IRGM: variants seen among roughly 807,000 people sequenced by gnomAD.
IRGM encodes immunity-related GTPase family M protein.
For synonymous variants in IRGM, 98 were observed against 80.6 expected, an observed-to-expected ratio of 1.22 and a Z score of -1.16; for missense variants, 288 against 219.9, an observed-to-expected ratio of 1.31 and a Z score of -1.96.
intron 1 of IRGM, among the ~76,000 whole-genome samples, chr5:150,860,559 C>T (rs563509360): frequency 1.6e-4 from 24 of 152,320 alleles, no homozygotes; most frequent in African/African-American, 5.5e-4. Flanking sequence ...ACTTCCTGAG[C>T]AACCACAGTC....
chr5:150,857,344 G>A (rs2113259071), intron 1 of IRGM, among the ~76,000 whole-genome samples: 1 of 152,220 alleles, frequency 6.6e-6, no homozygotes, highest in Admixed American at 6.5e-5. Flanking sequence ...TTGGACATTT[G>A]GGTTGGTTCC....
intron 1 of IRGM, among the ~76,000 whole-genome samples, chr5:150,874,302 T>C (rs537345113): frequency 6.6e-6 from 1 of 152,322 alleles, no homozygotes; most frequent in Non-Finnish European, 1.5e-5. Context: ...GACATTATGC[T>C]GATTGGACCC....
chr5:150,853,308 C>A (rs1238324331), downstream of IRGM, among the ~76,000 whole-genome samples: 1 of 152,092 alleles, frequency 6.6e-6, no homozygotes, highest in Non-Finnish European at 1.5e-5. Flanking sequence ...TAATTTCAAT[C>A]TTTTAAAATT....
intron 3 of IRGM, among the ~76,000 whole-genome samples, chr5:150,881,125 A>G (rs1754438843): frequency 7.4e-6 from 1 of 135,562 alleles, no homozygotes; most frequent in Admixed American, 7.0e-5. Flanking sequence ...GAAACTCCAT[A>G]TCAAAAAAAA....
chr5:150,847,556 A>T (rs1338955807), intron 1 of IRGM, 153 bp from the exon 2 acceptor site: 1 of 153,246 alleles, frequency 6.5e-6, no homozygotes, highest in Non-Finnish European at 1.5e-5. Flanking sequence ...TTGCTCCCTG[A>T]AGAAATGTGC....
intron 1 of IRGM, among the ~76,000 whole-genome samples, chr5:150,864,402 G>T (rs1369658578): frequency 1.3e-5 from 2 of 152,026 alleles, no homozygotes; most frequent in African/African-American, 4.8e-5. Context: ...CTTCTCCCCA[G>T]CTCTTGTTCC....
intron 3 of IRGM, among the ~76,000 whole-genome samples, chr5:150,882,262 A>G (rs1056240965): frequency 2.1e-5 from 3 of 143,882 alleles, no homozygotes; most frequent in African/African-American, 8.6e-5. Context: ...GTATGCTGTA[A>G]AGAAAATCAC....
At chr5:150,858,852 T>C (rs1754095767) in intron 1 of IRGM, among the ~76,000 whole-genome samples, 1 of 152,224 alleles carries the variant, frequency 6.6e-6, no homozygotes, top group Non-Finnish European at 1.5e-5. Flanking sequence ...TTTCTAGATA[T>C]ACAATCATGC....
chr5:150,897,983 T>C (rs1186268583), intron 3 of IRGM: 1 of 1,515,206 alleles, frequency 6.6e-7, no homozygotes, highest in Non-Finnish European at 8.8e-7. Context: ...AAGCAAAGAA[T>C]AGGAGATTTT....
intron 1 of IRGM, among the ~76,000 whole-genome samples, chr5:150,873,762 G>A (rs1291416705): frequency 6.6e-6 from 1 of 152,168 alleles, no homozygotes; most frequent in East Asian, 1.9e-4. Flanking sequence ...TGACTGGTAG[G>A]GTGAGGGCTA....
chr5:150,896,771 C>T (rs746007753), intron 3 of IRGM: 6 of 1,613,766 alleles, frequency 3.7e-6, no homozygotes, highest in Non-Finnish European at 4.2e-6. Flanking sequence ...ATGCCTCAGT[C>T]ACTGTTTTGC....
intron 3 of IRGM, chr5:150,896,948 G>C: frequency 6.2e-7 from 1 of 1,611,888 alleles, no homozygotes; most frequent in Non-Finnish European, 8.5e-7. Context: ...TACATGACTG[G>C]GAGTTGTGAA....
At chr5:150,900,458 C>T (rs1019333930) in intron 3 of IRGM, 1 of 152,084 alleles carries the variant, frequency 6.6e-6, no homozygotes, top group Non-Finnish European at 1.5e-5. Flanking sequence ...GTTGTTCCCC[C>T]CTCTCTGCTA....
chr5:150,869,651 T>G lies in IRGM; in HGVS notation c.159-8329T>G, dbSNP rs557173439. ...AATTTTAAAATTACCATTTCAATCT[T>G]GCTGCTTGTTATGGGTTTGTTCAGG... is the stretch of plus-strand genomic sequence containing the variant. On this transcript the variant is annotated intron_variant and NMD_transcript_variant, in intron 1 of 3. Transcript: ENST00000520549. 1.1e-4 allele frequency among the ~76,000 whole-genome samples: 17 copies of G among 152,278 alleles called. No individual in the cohort carries two copies. The East Asian group carries it at 3.1e-3, about 28-fold the overall frequency.
At chr5:150,860,895 T>TC (rs1191288173) in intron 1 of IRGM, among the ~76,000 whole-genome samples, 1 of 152,222 alleles carries the variant, frequency 6.6e-6, no homozygotes, top group African/African-American at 2.4e-5. Flanking sequence ...GATTTTTTTT[T>TC]CAGAGTATAT....
chr5:150,857,983 A>G lies in IRGM; in HGVS notation c.158+9329A>G, dbSNP rs112561729. ...TGTTGCCATTGCTTTTGGTGTTTTA[A>G]ACATGAAGTCCTTGCCCATGCCTAT... On this transcript the variant is annotated intron_variant and NMD_transcript_variant, in intron 1 of 3. Transcript: ENST00000520549. Among the ~76,000 whole-genome samples, 990 of 151,754 alleles carry G rather than the reference A, an allele frequency of 6.5e-3. 4 individuals carry two copies. The highest frequency in any genetic ancestry group is 7.9e-3 in the South Asian group (38 of 4,790).
At position 150,848,379 on chromosome 5, in the gene IRGM, G is replaced by A. The variant is rs530731715; in HGVS notation, c.256G>A (p.Val86Met). ...CTATTTCTCTTCCCACTTTTCAAATGTGGTGTTGTGGGACCTGCCTGGCAC... is the reference window on the plus strand; with the variant it reads ...CTATTTCTCTTCCCACTTTTCAAATATGGTGTTGTGGGACCTGCCTGGCAC... ...ASYFSSHFSN[V>M]VLWDLPGTGS... Residue 86 changes from valine to methionine, a missense_variant, in exon 2 of 2, where the codon GTG (valine) becomes ATG (methionine). Physicochemically the swap from Val to Met is conservative, Grantham distance 21. Coordinates refer to ENST00000522154, the MANE Select transcript of IRGM (RefSeq NM_001145805.2). 1.3e-6 allele frequency: 2 copies of A among 1,551,792 alleles called. No individual in the cohort carries two copies. Among genetic ancestry groups the A allele is most frequent in the East Asian group, 4.9e-5 (2 of 41,060 alleles).
chr5:150,883,544 A>C (rs2113291074), intron 3 of IRGM, among the ~76,000 whole-genome samples: 1 of 152,034 alleles, frequency 6.6e-6, no homozygotes, highest in African/African-American at 2.4e-5. Flanking sequence ...ATCAGAAATG[A>C]GTTGGAATAC....
downstream of IRGM, among the ~76,000 whole-genome samples, chr5:150,902,219 A>G (rs1561759073): frequency 1.3e-5 from 2 of 152,318 alleles, no homozygotes. Context: ...GGGAGAGCAA[A>G]GAAGGAACAG....
Sources: gnomAD v4.1 joint callset for allele counts (sites outside exome capture counted in the v4.1 genomes callset) on GRCh38, gnomAD v4.1.1 for gene constraint, MANE v1.5 for transcripts, NCBI Gene and HGNC (gene_info 2026-07-23, HGNC 2026-07-21) for gene names.